AHCYL1: variants seen among roughly 807,000 people sequenced by gnomAD.
AHCYL1 encodes the protein adenosylhomocysteinase like 1.
A neutral mutation model predicts 79.3 loss-of-function variants in AHCYL1; 20 were observed. That is an observed-to-expected ratio of 0.25 (90% CI 0.18 to 0.37). The LOEUF is 0.37. Ranked by LOEUF, AHCYL1 falls within the 10% of genes least tolerant of loss-of-function variation. The pLI is 1.00. For missense variants in AHCYL1, 330 were observed against 673.6 expected, an observed-to-expected ratio of 0.49 and a Z score of 5.65; for synonymous variants, 223 against 242.2, an observed-to-expected ratio of 0.92 and a Z score of 0.74.
rs193041412 is a variant in AHCYL1, at chr1:110,018,837, A to T, written c.1317+187A>T. 1.2e-4 allele frequency: 86 copies of T among 726,256 alleles called. No individual in the cohort carries two copies. In the East Asian group the frequency reaches 1.3e-3, roughly 11 times the overall value. The allele number at this position is 726,256 out of a possible 1,614,324, so 45.0% of individuals were successfully genotyped here. On this transcript the variant is annotated intron_variant, in intron 13 of 16. Coordinates refer to ENST00000369799, the MANE Select transcript of AHCYL1 (RefSeq NM_006621.7). ...AAAAATCTACTTTTTACTAAGTAACACTATTTCCTAACCACAGCTGATTCT... is the reference window on the plus strand; with the variant it reads ...AAAAATCTACTTTTTACTAAGTAACTCTATTTCCTAACCACAGCTGATTCT...
At chr1:110,021,614 T>A in intron 16 of AHCYL1, 60 bp from the exon 17 acceptor site, 1 of 1,576,616 alleles carries the variant, frequency 6.3e-7, no homozygotes, top group Non-Finnish European at 8.7e-7. Context: ...TTTCCGATTG[T>A]TTTTTGGAAT....
intron 1 of AHCYL1, among the ~76,000 whole-genome samples, chr1:110,003,692 T>C (rs954100697): frequency 2.0e-5 from 3 of 152,080 alleles, no homozygotes; most frequent in African/African-American, 7.2e-5. Context: ...GTGGTGGGAC[T>C]GAGAAAAGAA....
chr1:110,013,252 G>A (rs1651169514), intron 5 of AHCYL1, among the ~76,000 whole-genome samples: 1 of 152,184 alleles, frequency 6.6e-6, no homozygotes, highest in South Asian at 2.1e-4. Flanking sequence ...TCTAGTGTTA[G>A]TTGAACGAGG....
At chr1:110,015,678 A>T (rs1446960855) in intron 7 of AHCYL1, 147 bp downstream of exon 7, 2 of 638,334 alleles carry the variant, frequency 3.1e-6, no homozygotes, top group Non-Finnish European at 5.4e-6. Flanking sequence ...CTTTTGAAAA[A>T]TCAAGTTGAT....
chr1:110,016,662 C>T lies in AHCYL1; in HGVS notation c.900-5C>T. ...TTTGAGTTGAGCCCTTGTCTGTTTC[C>T]ACAGCCTGAAGAGGACCACAGATGT... is the stretch of plus-strand genomic sequence containing the variant. On this transcript the variant is annotated splice_polypyrimidine_tract_variant and splice_region_variant and intron_variant, in intron 8 of 16. Transcript: ENST00000369799. 2 of 1,614,094 alleles carry T rather than the reference C, an allele frequency of 1.2e-6. No homozygotes were observed. Among genetic ancestry groups the T allele is most frequent in the South Asian group, 2.2e-5 (2 of 91,070 alleles).
In AHCYL1 at chr1:109,984,995, G is replaced by T. The variant is rs889732648; in HGVS notation, c.-58G>T. On this transcript the variant is annotated 5_prime_UTR_variant, in exon 1 of 17. Transcript: ENST00000369799. ...GCGCCGCGCGGGCAGGCGGGCGGGC[G>T]CCAGAGGGGGAAAGAGGCGGGGGCG... is the stretch of plus-strand genomic sequence containing the variant. 9.9e-6 allele frequency: 14 copies of T among 1,421,296 alleles called. 1 individual carries two copies. The African/African-American group carries it at 1.5e-4, about 15-fold the overall frequency. 88.0% of individuals were successfully genotyped at this position (1,421,296 alleles called of 1,614,324 possible).
At chr1:109,986,547 C>T (rs919598013) in intron 1 of AHCYL1, among the ~76,000 whole-genome samples, 1 of 152,202 alleles carries the variant, frequency 6.6e-6, no homozygotes, top group African/African-American at 2.4e-5. Context: ...TTGCAATCTG[C>T]ACTATTCTTT....
At chr1:109,995,256 A>T (rs1649970731) in intron 1 of AHCYL1, among the ~76,000 whole-genome samples, 1 of 152,206 alleles carries the variant, frequency 6.6e-6, no homozygotes. Context: ...CCTTGCATTC[A>T]GGAGGTGGAG....
chr1:110,019,573 A>C lies in AHCYL1; in HGVS notation c.1412A>C (p.Asn471Thr). Reference sequence around the variant, plus strand: ...GCTTTGGCACTGATAGAACTCTATAATGCACCCGAGGGGCGATACAAGCAG... The same window carrying C: ...GCTTTGGCACTGATAGAACTCTATACTGCACCCGAGGGGCGATACAAGCAG... The part of the protein sequence containing the change: ...TQALALIELY[N>T]APEGRYKQDV... The change falls in exon 15 of 17, where the codon AAT becomes ACT. Residue 471 changes from asparagine to threonine, a missense_variant. By Grantham distance (65) the Asn-to-Thr change is moderately conservative (BLOSUM62 0). This residue lies in a region of AHCYL1 where 119 missense variants were observed against 293.3 expected (regional missense o/e 0.41). Coordinates refer to ENST00000369799, the MANE Select transcript of AHCYL1 (RefSeq NM_006621.7). The C allele has an allele frequency of 6.2e-7, 1 of 1,612,768 alleles. No individual in the cohort carries two copies. Among genetic ancestry groups the C allele is most frequent in the Non-Finnish European group, 8.5e-7 (1 of 1,179,682 alleles).
intron 1 of AHCYL1, among the ~76,000 whole-genome samples, chr1:110,008,317 A>C (rs1055716632): frequency 5.3e-5 from 8 of 152,122 alleles, no homozygotes; most frequent in African/African-American, 1.7e-4. Flanking sequence ...CATTTAAGGA[A>C]GTTTTTAATA....
In AHCYL1 at chr1:109,991,251, A is replaced by G. The variant is rs142507572; in HGVS notation, c.120+6079A>G. Among the ~76,000 whole-genome samples, 756 of 152,310 alleles carry G rather than the reference A, an allele frequency of 5.0e-3. 5 individuals are homozygous for G. Among genetic ancestry groups the G allele is most frequent in the African/African-American group, 0.017 (718 of 41,554 alleles). ...CACAAAGTAAAAAGTTTAATGAACT[A>G]TTGGTAAAAGGTAGTATTTGGAAAT... On this transcript the variant is annotated intron_variant, in intron 1 of 16. Coordinates refer to ENST00000369799, the MANE Select transcript of AHCYL1 (RefSeq NM_006621.7).
At chr1:110,016,498 T>C in intron 8 of AHCYL1, 38 bp downstream of exon 8, 1 of 1,585,616 alleles carries the variant, frequency 6.3e-7, no homozygotes, top group South Asian at 1.1e-5. Flanking sequence ...TTCTAGGGGC[T>C]CTGGTCTTCC....
In AHCYL1 at chr1:110,022,883, GTT is replaced by G. The variant is rs1364755139; in HGVS notation, c.*1205_*1206del. The G allele has an allele frequency of 6.6e-6, 1 of 152,482 alleles. No individual in the cohort carries two copies. Among genetic ancestry groups the G allele is most frequent in the African/African-American group, 2.4e-5 (1 of 41,420 alleles). The allele number at this position is 152,482 out of a possible 1,614,324, so 9.4% of individuals were successfully genotyped here. ...TTTTGATTGCTACATACCACAAAGA[GTT>G]TATGAACTGAGATCATAAAGGGCAA... On this transcript the variant is annotated 3_prime_UTR_variant, in exon 17 of 17. Transcript: ENST00000369799.
At chr1:110,014,893 G>A in intron 6 of AHCYL1, 36 bp downstream of exon 6, 1 of 1,574,000 alleles carries the variant, frequency 6.4e-7, no homozygotes, top group South Asian at 1.1e-5. Flanking sequence ...TTTGACAATA[G>A]ATTTATTTCC....
At position 110,015,470 on chromosome 1, in the gene AHCYL1, T is replaced by A; in HGVS notation, c.721T>A (p.Tyr241Asn). The A allele has an allele frequency of 1.2e-6, 2 of 1,614,182 alleles. No individual in the cohort carries two copies. Among genetic ancestry groups the A allele is most frequent in the Middle Eastern group, 3.3e-4 (2 of 6,060 alleles). ...CTTAACCCACTGGGTTTATAAGAAG[T>A]ATCCAAACGTGTTTAAGAAGATCCG... ...GDLTHWVYKKYPNVFKKIRGI... is the reference protein window; with the variant it reads ...GDLTHWVYKKNPNVFKKIRGI... Residue 241 changes from tyrosine (Y) to asparagine (N), a missense_variant, in exon 7 of 17, where the codon TAT (tyrosine) becomes AAT (asparagine). Physicochemically the swap from Tyr to Asn is moderately radical, Grantham distance 143. Transcript: ENST00000369799.
At chr1:110,006,468 G>A (rs567970859) in intron 1 of AHCYL1, among the ~76,000 whole-genome samples, 16 of 152,116 alleles carry the variant, frequency 1.1e-4, no homozygotes, top group East Asian at 1.9e-4. Flanking sequence ...CTTCCTTTTC[G>A]TCTTACCCAG....
chr1:109,997,171 T>G (rs993156694), intron 1 of AHCYL1, among the ~76,000 whole-genome samples: 1 of 152,224 alleles, frequency 6.6e-6, no homozygotes, highest in Non-Finnish European at 1.5e-5. Context: ...GGGCTTCTGG[T>G]GCTCAATAGA....
Position 110,020,789 on chromosome 1 carries a change from A to G in AHCYL1, c.1524A>G (p.Thr508=). 1 of 1,614,034 alleles carries G rather than the reference A, an allele frequency of 6.2e-7. No individual in the cohort carries two copies. Among genetic ancestry groups the G allele is most frequent in the South Asian group, 1.1e-5 (1 of 91,040 alleles). ...TTGATGCCCACCTTACAGAGCTGAC[A>G]GATGACCAAGCAAAATATCTGGGAC... ...PSFDAHLTEL[T]DDQAKYLGLN... The change falls in exon 16 of 17, where the codon ACA becomes ACG. Residue 508 remains threonine (T), a synonymous_variant. Transcript: ENST00000369799.
intron 1 of AHCYL1, among the ~76,000 whole-genome samples, chr1:109,995,001 G>C (rs1384588522): frequency 6.6e-6 from 1 of 152,112 alleles, no homozygotes; most frequent in Non-Finnish European, 1.5e-5. Flanking sequence ...CATCTTGGTG[G>C]GGCTGACCTT....
Sources: gnomAD v4.1 joint callset for allele counts (sites outside exome capture counted in the v4.1 genomes callset) on GRCh38, gnomAD v4.1.1 for gene constraint, gnomAD v4.1.1 regional missense constraint, MANE v1.5 for transcripts, NCBI Gene and HGNC (gene_info 2026-07-23, HGNC 2026-07-21) for gene names.